The following FAM83D variants were observed in gnomAD, a reference collection of about 807,000 sequenced individuals.
FAM83D encodes scaffolding CK1 anchoring protein D.
FAM83D carries 26 observed loss-of-function variants against 25.4 expected under a neutral mutation model. That is an observed-to-expected ratio of 1.02 (90% confidence interval 0.75 to 1.42). The LOEUF is 1.42. Among genes scored for constraint, FAM83D ranks in the 40% most tolerant of loss-of-function variants. FAM83D has a pLI of 0.00. For synonymous variants in FAM83D, 310 were observed against 318.5 expected, an observed-to-expected ratio of 0.97 and a Z score of 0.28; for missense variants, 740 against 758.1, an observed-to-expected ratio of 0.98 and a Z score of 0.28.
chr20:38,942,445 C>T (rs1337469088), intron 2 of FAM83D, among the ~76,000 whole-genome samples: 1 of 152,180 alleles, frequency 6.6e-6, no homozygotes, highest in Non-Finnish European at 1.5e-5. Flanking sequence ...GATATGTTGT[C>T]TATTCATACA....
In FAM83D at chr20:38,952,124, A is replaced by C; in HGVS notation, c.1362A>C (p.Arg454=). The change falls in exon 4 of 4, where the codon CGA becomes CGC. Residue 454 remains arginine, a synonymous_variant. Transcript: ENST00000619850. ...TGGATGAGAACATTCTCTTTCCTCG[A>C]GGAACTCAATCTACAGAAGGGTCAC... The part of the protein sequence containing the change: ...TDMDENILFP[R]GTQSTEGSPV... 4 of 1,614,216 alleles carry C rather than the reference A, an allele frequency of 2.5e-6. No individual in the cohort carries two copies. Among genetic ancestry groups the C allele is most frequent in the Non-Finnish European group, 3.4e-6 (4 of 1,180,042 alleles).
intron 2 of FAM83D, among the ~76,000 whole-genome samples, chr20:38,944,135 T>A (rs1425471722): frequency 1.3e-5 from 2 of 152,214 alleles, no homozygotes; most frequent in Non-Finnish European, 2.9e-5. Flanking sequence ...ATGCACTGGG[T>A]ACTAGATATA....
At chr20:38,928,659 G>A (rs528734158) in intron 1 of FAM83D, among the ~76,000 whole-genome samples, 1 of 152,282 alleles carries the variant, frequency 6.6e-6, no homozygotes, top group South Asian at 2.1e-4. Context: ...TAGCAAAAGG[G>A]CACTGGAACT....
At chr20:38,934,586 C>T (rs1024193850) in intron 1 of FAM83D, among the ~76,000 whole-genome samples, 1 of 152,108 alleles carries the variant, frequency 6.6e-6, no homozygotes, top group Non-Finnish European at 1.5e-5. Context: ...TTATATTTAC[C>T]CATTGATCTA....
At chr20:38,931,266 G>A (rs960349215) in intron 1 of FAM83D, among the ~76,000 whole-genome samples, 11 of 152,260 alleles carry the variant, frequency 7.2e-5, no homozygotes, top group African/African-American at 2.7e-4. Flanking sequence ...AAACGAGGTG[G>A]TCAGTTTTTA....
intron 1 of FAM83D, among the ~76,000 whole-genome samples, chr20:38,938,012 A>T (rs780295562): frequency 9.2e-5 from 14 of 152,210 alleles, no homozygotes; most frequent in Non-Finnish European, 1.8e-4. Context: ...GTAAGAAAGG[A>T]GTGGATGCTG....
At chr20:38,944,000 G>T (rs67743908) in intron 2 of FAM83D, among the ~76,000 whole-genome samples, 8 of 152,088 alleles carry the variant, frequency 5.3e-5, no homozygotes, top group Admixed American at 5.2e-4. Flanking sequence ...CCCAGAATTT[G>T]TTTTTTAAAA....
chr20:38,947,673 T>G (rs2145807617), intron 2 of FAM83D, among the ~76,000 whole-genome samples: 1 of 152,284 alleles, frequency 6.6e-6, no homozygotes, highest in Middle Eastern at 3.4e-3. Context: ...ATGGACCAAA[T>G]GTAGAAGTAA....
chr20:38,932,237 T>G (rs1195248960), intron 1 of FAM83D, among the ~76,000 whole-genome samples: 9 of 152,100 alleles, frequency 5.9e-5, no homozygotes, highest in African/African-American at 2.2e-4. Flanking sequence ...AGTTAAAAAA[T>G]TAGCCGGGTG....
intron 2 of FAM83D, among the ~76,000 whole-genome samples, chr20:38,947,657 G>A (rs2085733830): frequency 6.6e-6 from 1 of 152,202 alleles, no homozygotes; most frequent in Non-Finnish European, 1.5e-5. Flanking sequence ...AAGAACAGAT[G>A]AGAAGATGGA....
chr20:38,948,326 A>T (rs914668850), intron 3 of FAM83D, among the ~76,000 whole-genome samples: 4 of 152,190 alleles, frequency 2.6e-5, no homozygotes, highest in African/African-American at 7.2e-5. Flanking sequence ...CACAGTCTGG[A>T]ATCCTGGTTC....
intron 1 of FAM83D, among the ~76,000 whole-genome samples, chr20:38,932,124 G>T (rs943731152): frequency 1.3e-5 from 2 of 152,252 alleles, no homozygotes; most frequent in Admixed American, 1.3e-4. Context: ...GGTGGCTCAT[G>T]CCTGTAATCC....
intron 1 of FAM83D, among the ~76,000 whole-genome samples, chr20:38,931,571 G>C (rs568996607): frequency 6.6e-6 from 1 of 152,212 alleles, no homozygotes; most frequent in Non-Finnish European, 1.5e-5. Context: ...CTCAGTGTTC[G>C]CTCCATGCAG....
intron 3 of FAM83D, among the ~76,000 whole-genome samples, chr20:38,948,577 G>A (rs1004363913): frequency 1.1e-4 from 16 of 152,228 alleles, no homozygotes; most frequent in Non-Finnish European, 2.4e-4. Flanking sequence ...TTGAAGAGAG[G>A]GTGGGGATAA....
chr20:38,947,767 A>G lies in FAM83D; in HGVS notation c.652-109A>G, dbSNP rs1601337424. On this transcript the variant is annotated intron_variant, in intron 2 of 3. Transcript: ENST00000619850. ...GTGACCCTAAGCCACGCATATGCCAATAATTATATCTGGGAATTGTAAACT... is the reference window on the plus strand; with the variant it reads ...GTGACCCTAAGCCACGCATATGCCAGTAATTATATCTGGGAATTGTAAACT... 4 of 1,358,696 alleles carry G rather than the reference A, an allele frequency of 2.9e-6. No individual in the cohort carries two copies. In the South Asian group the frequency reaches 4.0e-5, roughly 14 times the overall value. The allele number at this position is 1,358,696 out of a possible 1,614,324, so 84.2% of individuals were successfully genotyped here.
At chr20:38,949,133 G>A (rs544126567) in intron 3 of FAM83D, among the ~76,000 whole-genome samples, 1 of 151,106 alleles carries the variant, frequency 6.6e-6, no homozygotes, top group East Asian at 1.9e-4. Flanking sequence ...TTGGATAGGT[G>A]CTTTATTTAC....
intron 2 of FAM83D, among the ~76,000 whole-genome samples, chr20:38,944,887 C>T (rs1027114330): frequency 2.6e-4 from 39 of 150,650 alleles, no homozygotes; most frequent in Non-Finnish European, 4.9e-4. Context: ...TGCAGTGAGC[C>T]GAGATCGCGC....
intron 2 of FAM83D, among the ~76,000 whole-genome samples, chr20:38,947,431 A>T (rs2085732945): frequency 6.6e-6 from 1 of 152,224 alleles, no homozygotes; most frequent in African/African-American, 2.4e-5. Flanking sequence ...ATGTGATGCC[A>T]TTAAACAAAC....
intron 1 of FAM83D, among the ~76,000 whole-genome samples, chr20:38,936,094 T>G (rs1416685880): frequency 6.6e-6 from 1 of 151,408 alleles, no homozygotes; most frequent in Non-Finnish European, 1.5e-5. Context: ...GTGCAGATCT[T>G]TGGTGGAATT....
Sources: allele counts gnomAD v4.1 joint callset (sites outside exome capture counted in the v4.1 genomes callset), GRCh38; gene constraint gnomAD v4.1.1; transcripts MANE v1.5; gene names NCBI Gene and HGNC (gene_info 2026-07-23, HGNC 2026-07-21).